Variants in ZMYND19 observed in about 807,000 individuals in gnomAD.
ZMYND19 encodes zinc finger MYND-type containing 19.
In ZMYND19, 17 loss-of-function variants were observed where a neutral mutation model predicts 32.0. The ratio of observed to expected loss-of-function variants is 0.53; its 90% CI spans 0.36 to 0.80. The LOEUF (loss-of-function observed/expected upper bound fraction) is 0.80, where lower values mean the gene tolerates loss of function less well. Among genes scored for constraint, ZMYND19 ranks in the 30% least tolerant of loss-of-function variants. The pLI, the probability that ZMYND19 is intolerant of heterozygous loss-of-function variation, is 0.00. For missense variants in ZMYND19, 250 were observed against 293.6 expected, an observed-to-expected ratio of 0.85 and a Z score of 1.09; for synonymous variants, 124 against 113.6, an observed-to-expected ratio of 1.09 and a Z score of -0.58.
chr9:137,585,495 G>A (rs531430361), intron 4 of ZMYND19, among the ~76,000 whole-genome samples: 4 of 151,558 alleles, frequency 2.6e-5, no homozygotes, highest in Admixed American at 1.3e-4. Context: ...GCAACATAGT[G>A]AGACCCATCC....
intron 2 of ZMYND19, 58 bp downstream of exon 2, chr9:137,588,600 GT>G: frequency 6.3e-7 from 1 of 1,588,470 alleles, no homozygotes; most frequent in Non-Finnish European, 8.6e-7. Flanking sequence ...CTCGTTCCTC[GT>G]GACCCTCCTG....
rs995488615 is a variant in ZMYND19 at position 137,590,337 on chromosome 9, G to A, written c.-74C>T. On this transcript the variant is annotated 5_prime_UTR_variant, in exon 1 of 6. Transcript: ENST00000298585. This position sits in a 1 kb window ranked among gnomAD's most constrained non-coding sequence, Gnocchi z 4.2. ...CGAGCGGGGGCCGGGGCGAGGCCGC[G>A]GCGCGCCGGGACAGGACGGGACCGG... 3.2e-6 allele frequency: 3 copies of A among 950,512 alleles called. No homozygotes were observed. The highest frequency in any genetic ancestry group is 1.8e-5 in the African/African-American group (1 of 55,950). 58.9% of individuals were successfully genotyped at this position (950,512 alleles called of 1,614,324 possible).
At chr9:137,586,935 T>G in intron 4 of ZMYND19, 32 bp downstream of exon 4, 1 of 1,610,236 alleles carries the variant, frequency 6.2e-7, no homozygotes, top group Admixed American at 1.7e-5. Context: ...AAGGCGCCTC[T>G]GCTGGCATCG....
chr9:137,589,725 C>G (rs1842248643), intron 1 of ZMYND19: 7 of 985,378 alleles, frequency 7.1e-6, no homozygotes, highest in Non-Finnish European at 7.2e-6. Context: ...GAGCCTGAAG[C>G]CCTGCTGAGA....
Position 137,587,686 on chromosome 9 carries a change from CG to C in ZMYND19, c.218+30del, listed in dbSNP as rs141754341. ...CGGAGCTCACCCAGGAGCCCAGTGG[CG>C]GGGGGCAGAGACAGCTTGGAAACAC... On this transcript the variant is annotated intron_variant, in intron 3 of 5. Coordinates refer to ENST00000298585, the MANE Select transcript of ZMYND19 (RefSeq NM_138462.3). 3,831 of 1,601,158 alleles carry C rather than the reference CG, an allele frequency of 2.4e-3. 81 individuals carry two copies. The African/African-American group carries it at 0.044, about 19-fold the overall frequency.
Position 137,582,371 on chromosome 9 carries a change from C to T in ZMYND19, c.*172G>A. The T allele has an allele frequency of 1.2e-6, 1 of 848,110 alleles. No homozygotes were observed. Among genetic ancestry groups the T allele is most frequent in the Non-Finnish European group, 1.8e-6 (1 of 565,936 alleles). 52.5% of individuals were successfully genotyped at this position (848,110 alleles called of 1,614,324 possible). On this transcript the variant is annotated 3_prime_UTR_variant, in exon 6 of 6. Transcript: ENST00000298585. ...CTCCGTTGTCTCTGCTGGAGATGAA[C>T]ACTGAGGGGCGCTGTAACCACACAG...
rs1842224286 is a variant in ZMYND19 at position 137,587,882 on chromosome 9, A to G, written c.112-59T>C. On this transcript the variant is annotated intron_variant, in intron 2 of 5. Coordinates refer to ENST00000298585, the MANE Select transcript of ZMYND19 (RefSeq NM_138462.3). The stretch of plus-strand genomic sequence containing the variant: ...ACCTCCAATTCTCAGCAACACTTCA[A>G]TTCCCTCTTAGAAAAACCAAGTGAA... 10 of 1,524,704 alleles carry G rather than the reference A, an allele frequency of 6.6e-6. No individual in the cohort carries two copies. In the Admixed American group the frequency reaches 1.5e-4, roughly 23 times the overall value. The allele number at this position is 1,524,704 out of a possible 1,614,324, so 94.4% of individuals were successfully genotyped here. A position where few individuals can be genotyped will look rare whatever the true frequency, so the allele number is the denominator to read the frequency against.
Position 137,590,415 on chromosome 9 carries a change from C to A in ZMYND19, c.-152G>T. 1 of 358,602 alleles carries A rather than the reference C, an allele frequency of 2.8e-6. No individual in the cohort carries two copies. The highest frequency in any genetic ancestry group is 3.9e-6 in the Non-Finnish European group (1 of 259,182). 22.2% of individuals were successfully genotyped at this position (358,602 alleles called of 1,614,324 possible). The stretch of plus-strand genomic sequence containing the variant: ...GGCTCCGGGCGGGACGAGGCTGGGC[C>A]GGGCTCGGGCCTCCGCCGCCGCCTC... On this transcript the variant is annotated 5_prime_UTR_variant, in exon 1 of 6. Transcript: ENST00000298585. This position sits in a 1 kb window ranked among gnomAD's most constrained non-coding sequence, Gnocchi z 4.2.
chr9:137,585,375 G>A lies in ZMYND19; in HGVS notation c.359+1592C>T, dbSNP rs145558125. ...GCAGAAGCTACAGCGAGCCAAGGTC[G>A]CGCTACTCCAGCCTAGGCAACAGAG... On this transcript the variant is annotated intron_variant, in intron 4 of 5. Transcript: ENST00000298585. Among the ~76,000 whole-genome samples, 47 of 145,274 alleles carry A rather than the reference G, an allele frequency of 3.2e-4. No individual in the cohort carries two copies. In the East Asian group the frequency reaches 6.2e-3, roughly 19 times the overall value.
At chr9:137,589,223 T>G (rs1287674783) in intron 1 of ZMYND19, 1 of 466,246 alleles carries the variant, frequency 2.1e-6, no homozygotes, top group African/African-American at 2.1e-5. Flanking sequence ...TGGGTGGAGT[T>G]AGAAGGGGTC....
intron 4 of ZMYND19, 150 bp downstream of exon 4, chr9:137,586,817 C>A: frequency 9.1e-7 from 1 of 1,098,764 alleles, no homozygotes; most frequent in African/African-American, 1.6e-5. Flanking sequence ...GGATTCCACG[C>A]TTTGGGGAAA....
chr9:137,585,110 G>A (rs1268082538), intron 4 of ZMYND19, among the ~76,000 whole-genome samples: 1 of 152,284 alleles, frequency 6.6e-6, no homozygotes, highest in East Asian at 1.9e-4. Context: ...GTGCACACCC[G>A]TAATCCCAGC....
chr9:137,586,947 C>T lies in ZMYND19; in HGVS notation c.359+20G>A, dbSNP rs1436303948. Reference sequence around the variant, plus strand: ...CAAAAGGCGCCTCTGCTGGCATCGCCAGGCCCTGAGAAGACCCACCTCTGC... The same window carrying T: ...CAAAAGGCGCCTCTGCTGGCATCGCTAGGCCCTGAGAAGACCCACCTCTGC... On this transcript the variant is annotated intron_variant, in intron 4 of 5. Coordinates refer to ENST00000298585, the MANE Select transcript of ZMYND19 (RefSeq NM_138462.3). 1.2e-6 allele frequency: 2 copies of T among 1,611,194 alleles called. No homozygotes were observed. Among genetic ancestry groups the T allele is most frequent in the Admixed American group, 1.7e-5 (1 of 60,014 alleles).
Position 137,589,809 on chromosome 9 carries a change from G to C in ZMYND19, c.51+404C>G, listed in dbSNP as rs1023673918. The C allele has an allele frequency of 5.1e-5, 50 of 985,374 alleles. 1 individual carries two copies. Among genetic ancestry groups the C allele is most frequent in the Non-Finnish European group, 5.5e-5 (46 of 829,958 alleles). 61.0% of individuals were successfully genotyped at this position (985,374 alleles called of 1,614,324 possible). A position where few individuals can be genotyped will look rare whatever the true frequency, so the allele number is the denominator to read the frequency against. On this transcript the variant is annotated intron_variant, in intron 1 of 5. Coordinates refer to ENST00000298585, the MANE Select transcript of ZMYND19 (RefSeq NM_138462.3). ...GTGGAAGTGGCGCTGCCTCGGAAAG[G>C]GCGCTGTGTTTAAACCGTGTGGCCG...
At position 137,587,027 on chromosome 9, in the gene ZMYND19, T is replaced by A. The variant is rs1347481304; in HGVS notation, c.299A>T (p.Asn100Ile). 1 of 1,612,228 alleles carries A rather than the reference T, an allele frequency of 6.2e-7. No individual in the cohort carries two copies. Among genetic ancestry groups the A allele is most frequent in the Admixed American group, 1.7e-5 (1 of 60,014 alleles). ...NAVTVDNRLD[N>I]LQLVPWGWRP... ...CCAGCCCCACGGCACCAGTTGCAGG[T>A]TGTCCAGGCGATTGTCCACGGTCAC... Residue 100 changes from asparagine (N) to isoleucine (I), a missense_variant, in exon 4 of 6, where the codon AAC (asparagine) becomes ATC (isoleucine). Asn to Ile is a moderately radical substitution (Grantham distance 149). Transcript: ENST00000298585.
At chr9:137,589,449 C>A (rs1045248203) in intron 1 of ZMYND19, 5 of 985,368 alleles carry the variant, frequency 5.1e-6, no homozygotes, top group Non-Finnish European at 6.0e-6. Context: ...CCACCAAAAG[C>A]CGCAGCCGCT....
chr9:137,588,808 G>A, intron 1 of ZMYND19, 90 bp from the exon 2 acceptor site: 1 of 1,462,974 alleles, frequency 6.8e-7, no homozygotes, highest in Non-Finnish European at 9.6e-7. Flanking sequence ...GGAGCCTGTT[G>A]CATTTTCCTG....
Position 137,583,069 on chromosome 9 carries a change from CATT to C in ZMYND19, c.451_453del (p.Asn151del). ...TCCTCTTCCACTACATCCCCGTTGGCATTATAATACCGGGTCACATTTAGGACA... is the reference window on the plus strand; with the variant it reads ...TCCTCTTCCACTACATCCCCGTTGGCATAATACCGGGTCACATTTAGGACA... On this transcript the variant is annotated inframe_deletion, in exon 5 of 6. Transcript: ENST00000298585. 1 of 1,614,220 alleles carries C rather than the reference CATT, an allele frequency of 6.2e-7. No individual in the cohort carries two copies. The highest frequency in any genetic ancestry group is 8.5e-7 in the Non-Finnish European group (1 of 1,180,026).
rs996955854 is a variant in ZMYND19, at chr9:137,582,269, C to A, written c.*274G>T. ...TAATTTCTACCCTTCCCATTGCCTC[C>A]CCCCCAAAAAAAACTGTACATGAGT... On this transcript the variant is annotated 3_prime_UTR_variant, in exon 6 of 6. Coordinates refer to ENST00000298585, the MANE Select transcript of ZMYND19 (RefSeq NM_138462.3). The A allele has an allele frequency of 2.0e-5, 7 of 344,886 alleles. No homozygotes were observed. The highest frequency in any genetic ancestry group is 3.7e-5 in the Non-Finnish European group (7 of 190,436). The allele number at this position is 344,886 out of a possible 1,614,324, so 21.4% of individuals were successfully genotyped here.
Sources: allele counts gnomAD v4.1 joint callset (sites outside exome capture counted in the v4.1 genomes callset), GRCh38; gene constraint gnomAD v4.1.1; non-coding constraint Gnocchi (gnomAD v3.1); transcripts MANE v1.5; gene names NCBI Gene and HGNC (gene_info 2026-07-23, HGNC 2026-07-21).